COL24A1: variants seen among roughly 807,000 people sequenced by gnomAD.
COL24A1 encodes the protein collagen type XXIV alpha 1 chain.
COL24A1 carries 224 observed loss-of-function variants against 253.9 expected under a neutral mutation model. The ratio of observed to expected loss-of-function variants is 0.88; its 90% confidence interval spans 0.79 to 0.99. COL24A1 has a LOEUF of 0.99. Ranked by LOEUF, COL24A1 falls within the 50% of genes least tolerant of loss-of-function variation. The pLI, the probability that COL24A1 is intolerant of heterozygous loss-of-function variation, is 0.00. For synonymous variants in COL24A1, 685 were observed against 673.7 expected (o/e 1.02, Z -0.26); for missense variants, 2,131 against 2,068.5 (o/e 1.03, Z -0.59).
chr1:85,775,595 C>T (rs1314346195), intron 53 of COL24A1, 79 bp downstream of exon 53: 4 of 1,190,658 alleles, frequency 3.4e-6, no homozygotes, highest in Non-Finnish European at 4.8e-6. Context: ...TAATGGATAA[C>T]TCTAACAGGG....
intron 19 of COL24A1, among the ~76,000 whole-genome samples, chr1:85,988,551 A>AT (rs1469541869): frequency 6.6e-6 from 1 of 152,040 alleles, no homozygotes; most frequent in Non-Finnish European, 1.5e-5. Context: ...CATTTTATTG[A>AT]TTTTGTCATA....
intron 24 of COL24A1, among the ~76,000 whole-genome samples, chr1:85,936,281 T>C (rs1455017561): frequency 6.8e-6 from 1 of 147,322 alleles, no homozygotes; most frequent in African/African-American, 2.5e-5. Flanking sequence ...CTTCTTATTA[T>C]AATTTAGCAT....
intron 52 of COL24A1, among the ~76,000 whole-genome samples, chr1:85,779,668 T>C (rs1259294934): frequency 1.3e-5 from 2 of 152,188 alleles, no homozygotes; most frequent in South Asian, 2.1e-4. Context: ...TTATATGCCA[T>C]TTTTGTTGTA....
chr1:85,865,692 G>C (rs1026589024), intron 37 of COL24A1, among the ~76,000 whole-genome samples: 3 of 152,156 alleles, frequency 2.0e-5, no homozygotes, highest in African/African-American at 7.2e-5. Flanking sequence ...GATTCTGCTA[G>C]AGAACTATGC....
chr1:86,059,521 T>C (rs1557436442), intron 8 of COL24A1, among the ~76,000 whole-genome samples: 1 of 152,228 alleles, frequency 6.6e-6, no homozygotes, highest in South Asian at 2.1e-4. Flanking sequence ...CTTGTTTCGA[T>C]CATCCTACAA....
intron 37 of COL24A1, among the ~76,000 whole-genome samples, chr1:85,851,157 C>T (rs148566128): frequency 1.3e-5 from 2 of 151,960 alleles, no homozygotes; most frequent in Non-Finnish European, 2.9e-5. Context: ...TAATTTTACT[C>T]CATTTGTATC....
At chr1:86,002,575 G>A (rs1023584223) in intron 19 of COL24A1, among the ~76,000 whole-genome samples, 6 of 152,178 alleles carry the variant, frequency 3.9e-5, no homozygotes, top group Admixed American at 2.6e-4. Flanking sequence ...TCAGTCTGAA[G>A]AGATCTGAAC....
At chr1:85,973,968 G>A (rs757997537) in intron 20 of COL24A1, among the ~76,000 whole-genome samples, 2 of 152,112 alleles carry the variant, frequency 1.3e-5, no homozygotes, top group Non-Finnish European at 2.9e-5. Context: ...TAGCAGACTT[G>A]AAGGTAAACT....
intron 28 of COL24A1, among the ~76,000 whole-genome samples, chr1:85,901,968 T>C (rs1161031134): frequency 2.0e-5 from 3 of 151,768 alleles, no homozygotes; most frequent in Admixed American, 2.0e-4. Flanking sequence ...ATAGCAAAGA[T>C]ATGGAATCAA....
At chr1:85,769,377 G>A (rs543901719) in intron 53 of COL24A1, among the ~76,000 whole-genome samples, 1 of 152,002 alleles carries the variant, frequency 6.6e-6, no homozygotes, top group African/African-American at 2.4e-5. Flanking sequence ...GAAGGTGGGG[G>A]CACTGCTATT....
intron 37 of COL24A1, among the ~76,000 whole-genome samples, chr1:85,851,806 C>T (rs1247972493): frequency 6.6e-6 from 1 of 152,092 alleles, no homozygotes; most frequent in East Asian, 1.9e-4. Flanking sequence ...TTTATACATA[C>T]TTATATTTTG....
chr1:85,958,808 T>C (rs1468333882), intron 24 of COL24A1, among the ~76,000 whole-genome samples: 2 of 152,146 alleles, frequency 1.3e-5, no homozygotes, highest in Admixed American at 6.5e-5. Context: ...TCTAAACATC[T>C]GAATGCTAGA....
In COL24A1 at chr1:85,989,668, A is replaced by G. The variant is rs574124857; in HGVS notation, c.2311-2014T>C. Among the ~76,000 whole-genome samples the G allele has an allele frequency of 1.2e-4, 19 of 152,122 alleles. No homozygotes were observed. In the South Asian group the frequency reaches 1.7e-3, roughly 13 times the overall value. Reference sequence around the variant, plus strand: ...GGTCTTTCGTGATTTGGTGGTCTCTATTTATCTCTCTTCTTTACTCTCTAC... The same window carrying G: ...GGTCTTTCGTGATTTGGTGGTCTCTGTTTATCTCTCTTCTTTACTCTCTAC... On this transcript the variant is annotated intron_variant, in intron 19 of 59. Coordinates refer to ENST00000370571, the MANE Select transcript of COL24A1 (RefSeq NM_152890.7).
At chr1:86,079,053 T>C (rs775961969) in intron 7 of COL24A1, among the ~76,000 whole-genome samples, 3 of 152,114 alleles carry the variant, frequency 2.0e-5, no homozygotes, top group Non-Finnish European at 4.4e-5. Context: ...GATTTCAAAT[T>C]ATACTGCAGA....
chr1:85,747,920 T>C (rs996751416), intron 55 of COL24A1, among the ~76,000 whole-genome samples: 3 of 152,228 alleles, frequency 2.0e-5, no homozygotes, highest in African/African-American at 7.2e-5. Flanking sequence ...TTTATTAACA[T>C]AATATATTGA....
intron 20 of COL24A1, among the ~76,000 whole-genome samples, chr1:85,973,760 G>A (rs593146): frequency 0.52 from 79,381 of 151,868 alleles, 21,137 homozygotes; most frequent in Admixed American, 0.58. Context: ...TAATCCTTTC[G>A]GTGAAGCAGG....
intron 14 of COL24A1, among the ~76,000 whole-genome samples, chr1:86,027,525 T>C (rs574273636): frequency 7.9e-5 from 12 of 152,310 alleles, no homozygotes; most frequent in African/African-American, 2.9e-4. Context: ...CTTGGCTACT[T>C]ACACATGGTG....
chr1:85,924,398 G>A (rs60102205), intron 24 of COL24A1, among the ~76,000 whole-genome samples: 1,676 of 152,308 alleles, frequency 0.011, 26 homozygotes, highest in African/African-American at 0.039. Context: ...TATCCCTGAT[G>A]AACATTGATG....
intron 43 of COL24A1, among the ~76,000 whole-genome samples, chr1:85,828,327 G>A (rs370629175): frequency 4.0e-5 from 6 of 151,578 alleles, no homozygotes; most frequent in South Asian, 2.1e-4. Context: ...TTTGCTGAGG[G>A]GAGCTTTACT....
Sources: gnomAD v4.1 joint callset for allele counts (sites outside exome capture counted in the v4.1 genomes callset) on GRCh38, gnomAD v4.1.1 for gene constraint, MANE v1.5 for transcripts, NCBI Gene and HGNC (gene_info 2026-07-23, HGNC 2026-07-21) for gene names.